The following HCN1 variants were observed in gnomAD, a reference collection of about 807,000 sequenced individuals.
HCN1 encodes potassium/sodium hyperpolarization-activated cyclic nucleotide-gated channel 1.
A neutral mutation model predicts 78.9 loss-of-function variants in HCN1; 13 were observed. The observed-to-expected ratio is 0.16, with a 90% CI of 0.11 to 0.26. The LOEUF (loss-of-function observed/expected upper bound fraction) is 0.26, where lower values mean the gene tolerates loss of function less well. Ranked by LOEUF, HCN1 falls within the 10% of genes least tolerant of loss-of-function variation. The pLI is 1.00. For missense variants in HCN1, 810 were observed against 1,154.3 expected (o/e 0.70, Z 4.32); for synonymous variants, 552 against 455.5 (o/e 1.21, Z -2.70).
At chr5:45,431,701 C>T (rs886537126) in intron 3 of HCN1, among the ~76,000 whole-genome samples, 3 of 152,068 alleles carry the variant, frequency 2.0e-5, no homozygotes, top group East Asian at 1.9e-4. Flanking sequence ...GTCCTTTCTC[C>T]GTTGCTTGTT....
intron 2 of HCN1, among the ~76,000 whole-genome samples, chr5:45,550,832 C>G (rs1177924875): frequency 6.6e-6 from 1 of 151,974 alleles, no homozygotes; most frequent in Non-Finnish European, 1.5e-5. Flanking sequence ...CTCCCATCTG[C>G]ACTTGCTTAG....
Position 45,373,284 on chromosome 5 carries a change from A to ATATATTATATATATTTTATATAC in HCN1, c.1231-20061_1231-20039dup, listed in dbSNP as rs1747471269. On this transcript the variant is annotated intron_variant, in intron 4 of 7. Transcript: ENST00000303230. ...TTATATATTATATATATTTTATATTATATATTATATATATTTTATATACTA... is the reference window on the plus strand; with the variant it reads ...TTATATATTATATATATTTTATATTATATATTATATATATTTTATATACTATATTATATATATTTTATATACTA... Among the ~76,000 whole-genome samples the ATATATTATATATATTTTATATAC allele has an allele frequency of 5.0e-5, 6 of 119,992 alleles. No individual in the cohort carries two copies. In the South Asian group the frequency reaches 1.4e-3, roughly 28 times the overall value. The allele number at this position is 119,992 out of a possible 152,430, so 78.7% of individuals were successfully genotyped here. A position where few individuals can be genotyped will look rare whatever the true frequency, so the allele number is the denominator to read the frequency against.
rs1446815034 is a variant in HCN1 at position 45,303,801 on chromosome 5, T to C, written c.1416A>G (p.Thr472=). 1 of 1,613,552 alleles carries C rather than the reference T, an allele frequency of 6.2e-7. No individual in the cohort carries two copies. Among genetic ancestry groups the C allele is most frequent in the South Asian group, 1.1e-5 (1 of 91,076 alleles). ...GATCCGCATTAGCAAATAAAGGCAT[T>C]GTAGCCACCAGTTTCCGACAGTTGA... ...VNFNCRKLVA[T]MPLFANADPN... is the part of the protein sequence containing the mutation. Residue 472 remains threonine, a synonymous_variant, in exon 6 of 8, where the codon ACA becomes ACG. Coordinates refer to ENST00000303230, the MANE Select transcript of HCN1 (RefSeq NM_021072.4).
intron 2 of HCN1, among the ~76,000 whole-genome samples, chr5:45,487,593 T>C (rs1481863525): frequency 1.3e-5 from 2 of 152,024 alleles, no homozygotes; most frequent in Admixed American, 1.3e-4. Context: ...TCCACTGTCA[T>C]AGGGTGACTT....
chr5:45,338,504 C>T (rs1051246118), intron 5 of HCN1, among the ~76,000 whole-genome samples: 5 of 152,062 alleles, frequency 3.3e-5, no homozygotes, highest in African/African-American at 1.2e-4. Context: ...TCTTTTGTCA[C>T]AAAATACATA....
chr5:45,614,725 A>C (rs1414967552), intron 2 of HCN1, among the ~76,000 whole-genome samples: 1 of 152,116 alleles, frequency 6.6e-6, no homozygotes, highest in Non-Finnish European at 1.5e-5. Context: ...TGAAAACAGA[A>C]AAGAAGCTAA....
intron 4 of HCN1, among the ~76,000 whole-genome samples, chr5:45,390,705 A>C (rs893342942): frequency 1.3e-5 from 2 of 152,184 alleles, no homozygotes; most frequent in Admixed American, 1.3e-4. Context: ...CAAAGTTTGA[A>C]AAATCATGGG....
At chr5:45,626,278 A>T (rs1011753296) in intron 2 of HCN1, among the ~76,000 whole-genome samples, 1 of 152,214 alleles carries the variant, frequency 6.6e-6, no homozygotes, top group African/African-American at 2.4e-5. Flanking sequence ...AAATAATTAT[A>T]TAACTATTTA....
At chr5:45,640,524 C>G (rs532971181) in intron 2 of HCN1, among the ~76,000 whole-genome samples, 81 of 151,122 alleles carry the variant, frequency 5.4e-4, no homozygotes, top group African/African-American at 1.9e-3. Context: ...TTGACTGTCA[C>G]GATAGAGTGT....
intron 2 of HCN1, among the ~76,000 whole-genome samples, chr5:45,606,391 A>G (rs916251501): frequency 2.0e-5 from 3 of 152,010 alleles, no homozygotes; most frequent in Non-Finnish European, 4.4e-5. Context: ...AAAAAAAGAG[A>G]ATATGATTTC....
intron 2 of HCN1, among the ~76,000 whole-genome samples, chr5:45,514,272 G>C (rs113351482): frequency 2.6e-5 from 4 of 152,048 alleles, no homozygotes; most frequent in African/African-American, 9.6e-5. Context: ...ATTTTTAAAA[G>C]TCTACCTCAA....
chr5:45,315,036 A>G (rs1049447495), intron 5 of HCN1, among the ~76,000 whole-genome samples: 1 of 152,156 alleles, frequency 6.6e-6, no homozygotes, highest in East Asian at 1.9e-4. Flanking sequence ...ATATCCAGGA[A>G]TTGAACTCAG....
chr5:45,371,693 G>T (rs1747364469), intron 4 of HCN1, among the ~76,000 whole-genome samples: 1 of 149,018 alleles, frequency 6.7e-6, no homozygotes, highest in Non-Finnish European at 1.5e-5. Flanking sequence ...GGAGGCGAAG[G>T]TTGCAGTGAG....
chr5:45,324,646 T>A (rs1561106757), intron 5 of HCN1, among the ~76,000 whole-genome samples: 1 of 151,782 alleles, frequency 6.6e-6, no homozygotes, highest in Non-Finnish European at 1.5e-5. Context: ...TTCCACAGAC[T>A]AATAAAACAT....
At chr5:45,549,433 T>A (rs1296792412) in intron 2 of HCN1, among the ~76,000 whole-genome samples, 2 of 152,148 alleles carry the variant, frequency 1.3e-5, no homozygotes, top group Non-Finnish European at 2.9e-5. Context: ...CTGGGAAAAC[T>A]GGCTAGCCAT....
At chr5:45,510,421 T>C (rs762676877) in intron 2 of HCN1, among the ~76,000 whole-genome samples, 1 of 152,092 alleles carries the variant, frequency 6.6e-6, no homozygotes, top group Non-Finnish European at 1.5e-5. Context: ...TGTTAACTTG[T>C]TCATTTTCAA....
rs192087092 is a variant in HCN1, at chr5:45,347,208, C to T, written c.1377+5892G>A. The stretch of plus-strand genomic sequence containing the variant: ...ATCAGACAGCAGAATTTGTGGTTCA[C>T]GAAAATCTGCTGTTCTGCAGCCACC... On this transcript the variant is annotated intron_variant, in intron 5 of 7. Transcript: ENST00000303230. 5.9e-3 allele frequency among the ~76,000 whole-genome samples: 900 copies of T among 152,274 alleles called. 8 individuals are homozygous for T. Among genetic ancestry groups the T allele is most frequent in the Non-Finnish European group, 9.1e-3 (617 of 68,020 alleles).
intron 3 of HCN1, among the ~76,000 whole-genome samples, chr5:45,428,283 G>A (rs2112074302): frequency 1.3e-5 from 2 of 151,966 alleles, no homozygotes; most frequent in African/African-American, 4.8e-5. Context: ...GATGATTTTG[G>A]TCAGTTTCAA....
chr5:45,622,725 C>G (rs550130994), intron 2 of HCN1, among the ~76,000 whole-genome samples: 1 of 152,030 alleles, frequency 6.6e-6, no homozygotes, highest in Admixed American at 6.6e-5. Context: ...AACATGAACA[C>G]CAGGACTGAA....
Sources: allele counts gnomAD v4.1 joint callset (sites outside exome capture counted in the v4.1 genomes callset), GRCh38; gene constraint gnomAD v4.1.1; transcripts MANE v1.5; gene names NCBI Gene and HGNC (gene_info 2026-07-23, HGNC 2026-07-21).